The following GPC5 variants were observed in gnomAD, a reference collection of about 807,000 sequenced individuals.
GPC5 encodes glypican-5.
In GPC5, 47 loss-of-function variants were observed where a neutral mutation model predicts 53.9. The observed-to-expected ratio is 0.87, with a 90% CI of 0.69 to 1.11. GPC5 has a LOEUF of 1.11. Ranked by LOEUF, GPC5 falls within the 50% of genes most tolerant of loss-of-function variation. The pLI is 0.00. For missense variants in GPC5, 748 were observed against 713.1 expected, an observed-to-expected ratio of 1.05 and a Z score of -0.56; for synonymous variants, 286 against 263.3, an observed-to-expected ratio of 1.09 and a Z score of -0.84.
At position 91,837,706 on chromosome 13, in the gene GPC5, T is replaced by A. The variant is rs1202056059; in HGVS notation, c.1281-70231T>A. Among the ~76,000 whole-genome samples the A allele has an allele frequency of 7.9e-5, 12 of 152,300 alleles. 2 individuals carry two copies. In the Middle Eastern group the frequency reaches 0.027, roughly 345 times the overall value. On this transcript the variant is annotated intron_variant, in intron 5 of 7. Coordinates refer to ENST00000377067, the MANE Select transcript of GPC5 (RefSeq NM_004466.6). ...TTACATAGTATTTCATAGTAATAAC[T>A]TTTTTGAAGTTAGAAAATTATTATG...
At chr13:92,070,545 T>G (rs1196164335) in intron 6 of GPC5, among the ~76,000 whole-genome samples, 1 of 152,194 alleles carries the variant, frequency 6.6e-6, no homozygotes, top group African/African-American at 2.4e-5. Flanking sequence ...CTAGATACTT[T>G]CATTACTGTA....
At chr13:92,676,469 G>A (rs1886941816) in intron 7 of GPC5, among the ~76,000 whole-genome samples, 1 of 152,078 alleles carries the variant, frequency 6.6e-6, no homozygotes, top group African/African-American at 2.4e-5. Flanking sequence ...AAAAGTCAAA[G>A]AATGCAATTC....
intron 7 of GPC5, among the ~76,000 whole-genome samples, chr13:92,778,720 A>G (rs1875910171): frequency 6.6e-6 from 1 of 152,182 alleles, no homozygotes; most frequent in Admixed American, 6.5e-5. Context: ...ATTCCACATA[A>G]GACAGCTTAA....
chr13:91,884,571 C>G (rs1020506870), intron 5 of GPC5, among the ~76,000 whole-genome samples: 1 of 152,124 alleles, frequency 6.6e-6, no homozygotes, highest in Non-Finnish European at 1.5e-5. Flanking sequence ...CAGACGGGAA[C>G]AACATTGAAA....
Position 91,693,644 on chromosome 13 carries a change from C to T in GPC5, c.783C>T (p.Cys261=). ...ALLKMQYCPH[C]QGLALTKPCM... is the part of the protein sequence containing the mutation. ...TGAAGATGCAATACTGCCCGCACTG[C>T]CAAGGCCTGGCGCTCACTAAGCCTT... The change falls in exon 3 of 8, where the codon TGC becomes TGT. Residue 261 remains cysteine, a synonymous_variant. Coordinates refer to ENST00000377067, the MANE Select transcript of GPC5 (RefSeq NM_004466.6). The T allele has an allele frequency of 6.2e-7, 1 of 1,614,082 alleles. No individual in the cohort carries two copies. Among genetic ancestry groups the T allele is most frequent in the Admixed American group, 1.7e-5 (1 of 60,014 alleles).
chr13:91,610,541 A>G (rs1408611764), intron 2 of GPC5, among the ~76,000 whole-genome samples: 1 of 152,204 alleles, frequency 6.6e-6, no homozygotes, highest in Non-Finnish European at 1.5e-5. Flanking sequence ...GCATTCCACC[A>G]GGAATTCATC....
chr13:91,472,774 C>T (rs1217284769), intron 2 of GPC5, among the ~76,000 whole-genome samples: 1 of 152,100 alleles, frequency 6.6e-6, no homozygotes, highest in African/African-American at 2.4e-5. Context: ...TGAATTTGTG[C>T]CTTCGTACTT....
intron 5 of GPC5, among the ~76,000 whole-genome samples, chr13:91,895,464 C>T (rs1002211686): frequency 6.6e-5 from 10 of 152,124 alleles, no homozygotes; most frequent in Non-Finnish European, 1.5e-4. Context: ...AGTCTCTGGG[C>T]AGATATTCTC....
chr13:91,595,751 A>C (rs2032971503), intron 2 of GPC5, among the ~76,000 whole-genome samples: 3 of 152,222 alleles, frequency 2.0e-5, no homozygotes. Context: ...TCTTTACAGC[A>C]AAAGACTTTG....
intron 2 of GPC5, among the ~76,000 whole-genome samples, chr13:91,661,729 A>G (rs368365211): frequency 3.3e-5 from 5 of 152,290 alleles, no homozygotes; most frequent in African/African-American, 1.2e-4. Flanking sequence ...GAAAGTCTGT[A>G]AGTCAAGAAT....
At chr13:92,471,942 A>T (rs773175471) in intron 7 of GPC5, among the ~76,000 whole-genome samples, 16 of 152,172 alleles carry the variant, frequency 1.1e-4, no homozygotes, top group Non-Finnish European at 2.4e-4. Flanking sequence ...GTGATGCAGA[A>T]ATATTTTGAC....
chr13:92,340,947 C>T (rs560321341), intron 7 of GPC5, among the ~76,000 whole-genome samples: 2 of 152,180 alleles, frequency 1.3e-5, no homozygotes, highest in African/African-American at 4.8e-5. Flanking sequence ...TCTCATAAAC[C>T]ACTAAAGCAG....
chr13:91,446,622 G>A (rs141355991), intron 1 of GPC5, among the ~76,000 whole-genome samples: 1 of 152,148 alleles, frequency 6.6e-6, no homozygotes, highest in Non-Finnish European at 1.5e-5. Context: ...TACAATAGGA[G>A]CCTGGGCTTT....
intron 4 of GPC5, among the ~76,000 whole-genome samples, chr13:91,754,050 T>C (rs1410392246): frequency 6.6e-6 from 1 of 152,180 alleles, no homozygotes; most frequent in Admixed American, 6.6e-5. Flanking sequence ...GGAAATCTTC[T>C]AGGTTAAATC....
intron 7 of GPC5, among the ~76,000 whole-genome samples, chr13:92,636,755 A>C (rs1046043909): frequency 6.6e-6 from 1 of 152,314 alleles, no homozygotes; most frequent in South Asian, 2.1e-4. Context: ...AGTGCCTGAC[A>C]TATGGTAGGT....
At chr13:91,478,902 T>TATATATATAC (rs201918417) in intron 2 of GPC5, among the ~76,000 whole-genome samples, 30 of 90,302 alleles carry the variant, frequency 3.3e-4, no homozygotes, top group African/African-American at 1.1e-3. Context: ...TATATATATA[T>TATATATATAC]GCACATATAT....
At chr13:92,385,741 G>GTA (rs531168661) in intron 7 of GPC5, among the ~76,000 whole-genome samples, 64 of 120,892 alleles carry the variant, frequency 5.3e-4, no homozygotes, top group South Asian at 1.9e-3. Flanking sequence ...GTATATATAC[G>GTA]TATATATACA....
intron 7 of GPC5, among the ~76,000 whole-genome samples, chr13:92,562,013 T>A (rs528988235): frequency 1.3e-5 from 2 of 152,180 alleles, no homozygotes; most frequent in South Asian, 4.1e-4. Context: ...ATTTTAGAGA[T>A]CCACTTGATA....
chr13:91,569,004 G>A (rs1024670005), intron 2 of GPC5, among the ~76,000 whole-genome samples: 2 of 152,100 alleles, frequency 1.3e-5, no homozygotes, highest in Non-Finnish European at 2.9e-5. Flanking sequence ...ACCTGCCTCA[G>A]CCTCTCAAAG....
Sources: gnomAD v4.1 joint callset for allele counts (sites outside exome capture counted in the v4.1 genomes callset) on GRCh38, gnomAD v4.1.1 for gene constraint, MANE v1.5 for transcripts, NCBI Gene and HGNC (gene_info 2026-07-23, HGNC 2026-07-21) for gene names.